NHSL2: variants seen among roughly 807,000 people sequenced by gnomAD.
NHSL2 encodes NHS like 2.
NHSL2 carries 27 observed loss-of-function variants against 53.4 expected under a neutral mutation model. The ratio of observed to expected loss-of-function variants is 0.51; its 90% CI spans 0.37 to 0.70. The LOEUF (loss-of-function observed/expected upper bound fraction) is 0.70, where lower values mean the gene tolerates loss of function less well. Among genes scored for constraint, NHSL2 ranks in the 30% least tolerant of loss-of-function variants. NHSL2 has a pLI of 0.00. For synonymous variants in NHSL2, 408 were observed against 404.1 expected (o/e 1.01, Z -0.12); for missense variants, 892 against 980.1 (o/e 0.91, Z 1.20).
intron 1 of NHSL2, among the ~76,000 whole-genome samples, chrX:72,124,671 G>A (rs997587480): frequency 3.6e-5 from 4 of 111,508 alleles, no homozygotes; most frequent in African/African-American, 9.8e-5. Flanking sequence ...GGCTCTGGAT[G>A]TCAAACTGCT....
At chrX:72,095,762 T>A (rs1221275400) in intron 1 of NHSL2, among the ~76,000 whole-genome samples, 1 of 112,052 alleles carries the variant, frequency 8.9e-6, no homozygotes, top group Admixed American at 9.4e-5. Context: ...TTCAATATGC[T>A]CTGCATTAAC....
intron 1 of NHSL2, among the ~76,000 whole-genome samples, chrX:71,972,775 T>C (rs1466007203): frequency 9.0e-6 from 1 of 111,581 alleles, no homozygotes; most frequent in Non-Finnish European, 1.9e-5. Context: ...TTGGTGCACT[T>C]AATGCTGTCT....
intron 1 of NHSL2, among the ~76,000 whole-genome samples, chrX:72,031,636 T>C (rs759485156): frequency 1.8e-5 from 2 of 110,517 alleles, no homozygotes; most frequent in East Asian, 5.7e-4. Context: ...AGATCATGTA[T>C]GTGAATTGTC....
At chrX:71,932,723 C>A (rs1256311464) in intron 1 of NHSL2, among the ~76,000 whole-genome samples, 1 of 112,031 alleles carries the variant, frequency 8.9e-6, no homozygotes, top group African/African-American at 3.2e-5. Flanking sequence ...TTGGAGGAAT[C>A]ATTGTTACTG....
intron 1 of NHSL2, among the ~76,000 whole-genome samples, chrX:72,048,114 A>AAT (rs2042316050): frequency 9.2e-5 from 10 of 108,341 alleles, no homozygotes; most frequent in African/African-American, 3.4e-4. Flanking sequence ...ATAATAATAA[A>AAT]GCAACATTTT....
chrX:72,008,394 A>G (rs1298641491), intron 1 of NHSL2, among the ~76,000 whole-genome samples: 2 of 112,068 alleles, frequency 1.8e-5, no homozygotes, highest in Non-Finnish European at 3.8e-5. Context: ...GGAGGAGCCA[A>G]TGGAGGTAGA....
chrX:72,104,433 G>A (rs969967575), intron 1 of NHSL2, among the ~76,000 whole-genome samples: 4 of 112,081 alleles, frequency 3.6e-5, no homozygotes, highest in Non-Finnish European at 7.5e-5. Context: ...TGGAGTCCAA[G>A]CCATTAAACT....
rs750294021 is a variant in NHSL2, at chrX:72,139,969, C to G, written c.2421C>G (p.Val807=). 1.7e-6 allele frequency: 2 copies of G among 1,209,526 alleles called. No homozygotes were observed. The highest frequency in any genetic ancestry group is 5.9e-5 in the East Asian group (2 of 33,796). ...SRHHSETNFG[V]KLAQKTNPNQ... ...ACCACTCAGAGACAAATTTTGGCGT[C>G]AAGCTGGCCCAGAAAACTAATCCCA... The change falls in exon 6 of 8, where the codon GTC becomes GTG. Residue 807 remains valine, a synonymous_variant. Coordinates refer to ENST00000633930, the MANE Select transcript of NHSL2 (RefSeq NM_001013627.3).
chrX:71,953,498 G>A (rs900964899), intron 1 of NHSL2, among the ~76,000 whole-genome samples: 2 of 112,033 alleles, frequency 1.8e-5, no homozygotes, highest in Non-Finnish European at 3.8e-5. Flanking sequence ...AGTTAAGGGG[G>A]TATGTGGATG....
intron 1 of NHSL2, among the ~76,000 whole-genome samples, chrX:72,000,165 A>T (rs1369865185): frequency 8.9e-6 from 1 of 111,771 alleles, no homozygotes; most frequent in African/African-American, 3.3e-5. Flanking sequence ...CCGGTCCTAC[A>T]TATGAATTAT....
At chrX:71,955,847 T>A (rs1385888673) in intron 1 of NHSL2, among the ~76,000 whole-genome samples, 1 of 109,815 alleles carries the variant, frequency 9.1e-6, no homozygotes, top group East Asian at 2.8e-4. Context: ...TTCCCATGAA[T>A]CCTTAGGGAG....
chrX:72,132,335 G>A, intron 2 of NHSL2, 101 bp downstream of exon 2: 1 of 792,254 alleles, frequency 1.3e-6, no homozygotes, highest in East Asian at 3.8e-5. Context: ...GCAAGATAAA[G>A]ACAGAGAGTT....
At chrX:71,940,440 A>T (rs2041760286) in intron 1 of NHSL2, among the ~76,000 whole-genome samples, 1 of 111,421 alleles carries the variant, frequency 9.0e-6, no homozygotes, top group African/African-American at 3.3e-5. Context: ...AGATGATTGC[A>T]GGTTATGGGA....
At chrX:72,061,935 C>T (rs775205210) in intron 1 of NHSL2, among the ~76,000 whole-genome samples, 26 of 112,308 alleles carry the variant, frequency 2.3e-4, no homozygotes, top group Non-Finnish European at 4.5e-4. Flanking sequence ...ATGCTGATTT[C>T]CTTCATGGCA....
Position 72,138,833 on chromosome X carries a change from A to C in NHSL2, c.1285A>C (p.Lys429Gln). Reference protein sequence around the residue: ...SCGNSWVSLNKVPPLVPKEAA... With the variant: ...SCGNSWVSLNQVPPLVPKEAA... Reference sequence around the variant, plus strand: ...TGGGAATTCTTGGGTCTCTCTAAACAAAGTCCCACCTCTGGTTCCTAAGGA... The same window carrying C: ...TGGGAATTCTTGGGTCTCTCTAAACCAAGTCCCACCTCTGGTTCCTAAGGA... The change falls in exon 6 of 8, where the codon AAA (lysine) becomes CAA (glutamine). Residue 429 changes from lysine (K) to glutamine (Q), a missense_variant. By Grantham distance (53) the Lys-to-Gln change is moderately conservative. Coordinates refer to ENST00000633930, the MANE Select transcript of NHSL2 (RefSeq NM_001013627.3). 1 of 1,210,931 alleles carries C rather than the reference A, an allele frequency of 8.3e-7. No homozygotes were observed. The highest frequency in any genetic ancestry group is 1.1e-6 in the Non-Finnish European group (1 of 894,829).
At chrX:71,994,644 G>A (rs760170800) in intron 1 of NHSL2, among the ~76,000 whole-genome samples, 3 of 112,229 alleles carry the variant, frequency 2.7e-5, no homozygotes, top group Admixed American at 9.4e-5. Flanking sequence ...GATGCTGTAA[G>A]TGGCTGTGGA....
chrX:72,106,486 G>T (rs753461073), intron 1 of NHSL2, among the ~76,000 whole-genome samples: 8 of 112,219 alleles, frequency 7.1e-5, no homozygotes, highest in Non-Finnish European at 1.3e-4. Context: ...GGAGGATGTG[G>T]AGAAATAGGA....
intron 1 of NHSL2, among the ~76,000 whole-genome samples, chrX:71,928,653 A>C (rs965535572): frequency 9.0e-6 from 1 of 111,214 alleles, no homozygotes; most frequent in East Asian, 2.8e-4. Flanking sequence ...TGGCCCCTCA[A>C]ACTTGGTGCC....
At chrX:72,082,772 A>C (rs763879138) in intron 1 of NHSL2, among the ~76,000 whole-genome samples, 1 of 111,473 alleles carries the variant, frequency 9.0e-6, no homozygotes, top group South Asian at 3.8e-4. Flanking sequence ...TTCTTTCCAC[A>C]CTGCCCATCA....
Sources: allele counts gnomAD v4.1 joint callset (sites outside exome capture counted in the v4.1 genomes callset), GRCh38; gene constraint gnomAD v4.1.1; transcripts MANE v1.5; gene names NCBI Gene and HGNC (gene_info 2026-07-23, HGNC 2026-07-21).